The following SCN8A variants were observed in gnomAD, a reference collection of about 807,000 sequenced individuals.
SCN8A encodes sodium voltage-gated channel alpha subunit 8.
SCN8A carries 30 observed loss-of-function variants against 184.1 expected under a neutral mutation model. The ratio of observed to expected loss-of-function variants is 0.16; its 90% CI spans 0.12 to 0.22. The LOEUF is 0.22. Among genes scored for constraint, SCN8A ranks in the 10% least tolerant of loss-of-function variants. The probability of loss-of-function intolerance (pLI) is 1.00; values close to 1 mark genes in which losing one functional copy is unlikely to be tolerated. For missense variants in SCN8A, 1,057 were observed against 2,498.9 expected, an observed-to-expected ratio of 0.42 and a Z score of 12.30; for synonymous variants, 852 against 907.0, an observed-to-expected ratio of 0.94 and a Z score of 1.09.
At chr12:51,698,769 T>A (rs953769154) in intron 6 of SCN8A, among the ~76,000 whole-genome samples, 7 of 152,248 alleles carry the variant, frequency 4.6e-5, no homozygotes, top group African/African-American at 1.7e-4. Flanking sequence ...AAGAAGTATA[T>A]TTTTAAATGG....
chr12:51,604,010 C>T (rs932093512), intron 1 of SCN8A, among the ~76,000 whole-genome samples: 3 of 152,122 alleles, frequency 2.0e-5, no homozygotes, highest in Admixed American at 2.0e-4. Context: ...TATTTTCTCC[C>T]ACTCTTTAGC....
chr12:51,702,680 TGGA>T, intron 8 of SCN8A, 90 bp from the exon 9 acceptor site: 1 of 980,430 alleles, frequency 1.0e-6, no homozygotes, highest in Non-Finnish European at 1.4e-6. Context: ...TCCAAGGTCA[TGGA>T]GTAAATAGAA....
intron 1 of SCN8A, among the ~76,000 whole-genome samples, chr12:51,631,242 G>C (rs370343778): frequency 1.3e-5 from 2 of 152,296 alleles, no homozygotes; most frequent in African/African-American, 4.8e-5. Context: ...ATTGCTCAGA[G>C]GCTGGCTTCC....
At chr12:51,746,914 T>C (rs1247026503) in intron 13 of SCN8A, among the ~76,000 whole-genome samples, 1 of 152,218 alleles carries the variant, frequency 6.6e-6, no homozygotes, top group Non-Finnish European at 1.5e-5. Context: ...TTTAGCTGAG[T>C]TGTCTCATTG....
At chr12:51,721,127 T>A (rs554725788) in intron 11 of SCN8A, among the ~76,000 whole-genome samples, 1 of 136,594 alleles carries the variant, frequency 7.3e-6, no homozygotes, top group South Asian at 2.2e-4. Flanking sequence ...TATTGTTATA[T>A]ATATAATATT....
chr12:51,704,186 G>A lies in SCN8A; in HGVS notation c.1135-1231G>A, dbSNP rs372345015. ...GCTGGGATTACAGGCATGAGCCACC[G>A]TGCCTGGCCCATTTTGTGGTTAACA... On this transcript the variant is annotated intron_variant, in intron 9 of 26. Transcript: ENST00000627620. Among the ~76,000 whole-genome samples the A allele has an allele frequency of 1.1e-4, 16 of 151,800 alleles. No individual in the cohort carries two copies. The South Asian group carries it at 1.7e-3, about 16-fold the overall frequency.
chr12:51,769,071 G>C lies in SCN8A; in HGVS notation c.3108G>C (p.Glu1036Asp). The change falls in exon 17 of 27, where the codon GAG (glutamate) becomes GAC (aspartate). Residue 1036 changes from glutamate (E) to aspartate (D), a missense_variant. Coordinates refer to ENST00000627620, the MANE Select transcript of SCN8A (RefSeq NM_001330260.2). ...READEVKPLD[E>D]LYEKKANCIA... ...CTGATGAGGTGAAGCCTCTGGATGA[G>C]TTGTATGAAAAGAAGGCCAACTGTA... is the stretch of plus-strand genomic sequence containing the variant. 6.2e-7 allele frequency: 1 copy of C among 1,613,976 alleles called. No homozygotes were observed. The highest frequency in any genetic ancestry group is 8.5e-7 in the Non-Finnish European group (1 of 1,179,866).
At position 51,800,777 on chromosome 12, in the gene SCN8A, GCCAGTGT is replaced by G. The variant is rs1183866979; in HGVS notation, c.4796-5492_4796-5486del. On this transcript the variant is annotated intron_variant, in intron 26 of 26. Transcript: ENST00000627620. ...CCCCTGGAATCATTGTCAGCTCAGAGCCAGTGTCCAGTGTCCAGTAGTCCCCGAAAGG... is the reference window on the plus strand; with the variant it reads ...CCCCTGGAATCATTGTCAGCTCAGAGCCAGTGTCCAGTAGTCCCCGAAAGG... Among the ~76,000 whole-genome samples, 5 of 152,326 alleles carry G rather than the reference GCCAGTGT, an allele frequency of 3.3e-5. No individual in the cohort carries two copies. In the East Asian group the frequency reaches 7.7e-4, roughly 23 times the overall value.
intron 9 of SCN8A, among the ~76,000 whole-genome samples, chr12:51,703,839 G>A (rs1432496579): frequency 6.6e-6 from 1 of 152,072 alleles, no homozygotes; most frequent in African/African-American, 2.4e-5. Flanking sequence ...TTACCTTTCT[G>A]TTGCACAGCC....
At chr12:51,620,534 A>G (rs1250845307) in intron 1 of SCN8A, among the ~76,000 whole-genome samples, 1 of 152,106 alleles carries the variant, frequency 6.6e-6, no homozygotes, top group Non-Finnish European at 1.5e-5. Context: ...TTAGTTTGTA[A>G]AGAAATGCAA....
At chr12:51,784,499 C>A (rs1028543912) in intron 21 of SCN8A, among the ~76,000 whole-genome samples, 2 of 152,208 alleles carry the variant, frequency 1.3e-5, no homozygotes, top group South Asian at 4.1e-4. Context: ...CTCCCCTTCT[C>A]AGTGAGCCAA....
chr12:51,730,465 G>C (rs1264807826), intron 12 of SCN8A, among the ~76,000 whole-genome samples: 1 of 152,008 alleles, frequency 6.6e-6, no homozygotes, highest in Non-Finnish European at 1.5e-5. Flanking sequence ...TAAGCCCTAA[G>C]AACAAAAAAT....
At chr12:51,805,916 C>T (rs748705197) in intron 26 of SCN8A, among the ~76,000 whole-genome samples, 3 of 152,070 alleles carry the variant, frequency 2.0e-5, no homozygotes, top group Non-Finnish European at 4.4e-5. Context: ...ACAACCTCCA[C>T]CTACCAGGTT....
At chr12:51,693,886 G>A (rs1941551073) in intron 6 of SCN8A, among the ~76,000 whole-genome samples, 1 of 152,148 alleles carries the variant, frequency 6.6e-6, no homozygotes, top group South Asian at 2.1e-4. Flanking sequence ...CTCAACCTGA[G>A]CTACAAACTA....
intron 1 of SCN8A, among the ~76,000 whole-genome samples, chr12:51,613,887 T>C (rs573277528): frequency 6.6e-6 from 1 of 152,268 alleles, no homozygotes; most frequent in Admixed American, 6.5e-5. Flanking sequence ...TGATTTCTAG[T>C]TTATTCCATT....
At chr12:51,649,397 A>G (rs552585834) in intron 1 of SCN8A, among the ~76,000 whole-genome samples, 2 of 152,166 alleles carry the variant, frequency 1.3e-5, no homozygotes, top group Non-Finnish European at 1.5e-5. Flanking sequence ...GAGGGCTCCA[A>G]CCCCACATTT....
At chr12:51,622,037 C>T (rs1056976752) in intron 1 of SCN8A, among the ~76,000 whole-genome samples, 1 of 152,010 alleles carries the variant, frequency 6.6e-6, no homozygotes, top group Non-Finnish European at 1.5e-5. Flanking sequence ...AAAGAGGTAC[C>T]CAATAACATG....
chr12:51,807,342 A>G lies in SCN8A; in HGVS notation c.5856A>G (p.Lys1952=). ...TCCCGTCCTATGACAGTGTAACTAA[A>G]CCTGAAAAGGAGAAACAGCAGCGGG... is the stretch of plus-strand genomic sequence containing the variant. The part of the protein sequence containing the change: ...ASLPSYDSVT[K]PEKEKQQRAE... Residue 1952 remains lysine (K), a synonymous_variant, in exon 27 of 27, where the codon AAA becomes AAG. Coordinates refer to ENST00000627620, the MANE Select transcript of SCN8A (RefSeq NM_001330260.2). This position sits in a 1 kb window ranked among gnomAD's most constrained non-coding sequence, Gnocchi z 4.5. 6.2e-7 allele frequency: 1 copy of G among 1,613,902 alleles called. No individual in the cohort carries two copies. Among genetic ancestry groups the G allele is most frequent in the Non-Finnish European group, 8.5e-7 (1 of 1,179,822 alleles).
At chr12:51,798,705 G>A (rs1471283541) in intron 26 of SCN8A, among the ~76,000 whole-genome samples, 1 of 152,152 alleles carries the variant, frequency 6.6e-6, no homozygotes, top group East Asian at 1.9e-4. Context: ...TCCACAGAAT[G>A]AGTCATCCTA....
Sources: allele counts gnomAD v4.1 joint callset (sites outside exome capture counted in the v4.1 genomes callset), GRCh38; gene constraint gnomAD v4.1.1; non-coding constraint Gnocchi (gnomAD v3.1); transcripts MANE v1.5; gene names NCBI Gene and HGNC (gene_info 2026-07-23, HGNC 2026-07-21).